IMMT: variants seen among roughly 807,000 people sequenced by gnomAD.
IMMT encodes MICOS complex subunit MIC60.
Under a neutral mutation model 92.7 loss-of-function variants are expected in IMMT, and 40 were observed. The ratio of observed to expected loss-of-function variants is 0.43; its 90% CI spans 0.34 to 0.56. IMMT has a LOEUF of 0.56. Ranked by LOEUF, IMMT falls within the 20% of genes least tolerant of loss-of-function variation. The probability of loss-of-function intolerance (pLI) is 0.03; values close to 1 mark genes in which losing one functional copy is unlikely to be tolerated. For missense variants in IMMT, 831 were observed against 912.1 expected, an observed-to-expected ratio of 0.91 and a Z score of 1.14; for synonymous variants, 322 against 336.1, an observed-to-expected ratio of 0.96 and a Z score of 0.46.
chr2:86,191,612 T>TA (rs1673121727), intron 1 of IMMT, among the ~76,000 whole-genome samples: 1 of 151,710 alleles, frequency 6.6e-6, no homozygotes, highest in African/African-American at 2.4e-5. Context: ...GTCCTTACAA[T>TA]AAATCTTTCA....
At chr2:86,150,990 C>T (rs556650181) in intron 12 of IMMT, among the ~76,000 whole-genome samples, 18 of 151,798 alleles carry the variant, frequency 1.2e-4, no homozygotes, top group Non-Finnish European at 2.5e-4. Flanking sequence ...GATCTTAGCT[C>T]ACTGCAACCT....
At chr2:86,154,451 G>A (rs529421101) in intron 10 of IMMT, among the ~76,000 whole-genome samples, 6 of 152,160 alleles carry the variant, frequency 3.9e-5, no homozygotes, top group Admixed American at 1.3e-4. Flanking sequence ...GATTACAGGC[G>A]TGAGCCACCA....
intron 1 of IMMT, among the ~76,000 whole-genome samples, chr2:86,190,307 C>T (rs763168845): frequency 6.6e-6 from 1 of 152,216 alleles, no homozygotes; most frequent in Non-Finnish European, 1.5e-5. Context: ...TAGCTCATGT[C>T]CACACACAAG....
At chr2:86,154,319 C>T (rs572117728) in intron 10 of IMMT, among the ~76,000 whole-genome samples, 3 of 151,836 alleles carry the variant, frequency 2.0e-5, no homozygotes, top group African/African-American at 7.2e-5. Context: ...ACTACATGCG[C>T]CTCCCACCAC....
At chr2:86,168,349 G>A (rs1169979746) in intron 6 of IMMT, among the ~76,000 whole-genome samples, 4 of 152,136 alleles carry the variant, frequency 2.6e-5, no homozygotes, top group Admixed American at 6.5e-5. Context: ...ATGGGCCGGC[G>A]CAGTGGCTCA....
chr2:86,150,725 A>G (rs1675404815), intron 12 of IMMT, among the ~76,000 whole-genome samples: 1 of 152,166 alleles, frequency 6.6e-6, no homozygotes, highest in African/African-American at 2.4e-5. Context: ...GCTCCACTGG[A>G]AAGATGAGCT....
intron 8 of IMMT, among the ~76,000 whole-genome samples, chr2:86,161,202 C>A (rs1676246671): frequency 1.3e-5 from 2 of 152,086 alleles, no homozygotes; most frequent in African/African-American, 4.8e-5. Context: ...GTCGCCCAGG[C>A]TCAGGCTGGA....
intron 2 of IMMT, 43 bp downstream of exon 2, chr2:86,181,256 G>T: frequency 7.0e-7 from 1 of 1,420,910 alleles, no homozygotes; most frequent in Non-Finnish European, 1.0e-6. Context: ...TCCCTAAGCA[G>T]CACACAGTGA....
chr2:86,194,843 G>A (rs897497499), intron 1 of IMMT: 1 of 169,164 alleles, frequency 5.9e-6, no homozygotes, highest in African/African-American at 2.4e-5. Flanking sequence ...GTTCTCAGCT[G>A]CGAAAAGAAA....
chr2:86,194,121 A>T (rs564892357), intron 1 of IMMT, among the ~76,000 whole-genome samples: 1 of 152,358 alleles, frequency 6.6e-6, no homozygotes, highest in East Asian at 1.9e-4. Context: ...AGGCAGCAAG[A>T]AAAGAAGTAC....
intron 13 of IMMT, among the ~76,000 whole-genome samples, chr2:86,146,668 A>G (rs1675041301): frequency 6.6e-6 from 1 of 152,004 alleles, no homozygotes; most frequent in South Asian, 2.1e-4. Flanking sequence ...CGGCCGATGT[A>G]TATAATTCTT....
Position 86,195,242 on chromosome 2 carries a change from TGTCCTG to T in IMMT, c.45+90_45+95del, listed in dbSNP as rs1457588241. On this transcript the variant is annotated intron_variant, in intron 1 of 14. Transcript: ENST00000410111. ...CGAGGGTGGCCCTGAGGCTCGCCTT[TGTCCTG>T]GAGGCTAGGCAGCGACCAAGGCTCC... 3.0e-6 allele frequency: 4 copies of T among 1,318,750 alleles called. No individual in the cohort carries two copies. The African/African-American group carries it at 6.2e-5, about 20-fold the overall frequency. 81.7% of individuals were successfully genotyped at this position (1,318,750 alleles called of 1,614,324 possible). A position where few individuals can be genotyped will look rare whatever the true frequency, so the allele number is the denominator to read the frequency against.
chr2:86,170,212 C>T (rs1372428785), intron 6 of IMMT, among the ~76,000 whole-genome samples: 1 of 152,080 alleles, frequency 6.6e-6, no homozygotes, highest in Non-Finnish European at 1.5e-5. Flanking sequence ...CCCAGGAGTA[C>T]GAGACCAGTC....
At chr2:86,144,908 A>G (rs1315528430) in intron 14 of IMMT, 27 bp from the exon 15 acceptor site, 1 of 1,557,900 alleles carries the variant, frequency 6.4e-7, no homozygotes, top group African/African-American at 1.4e-5. Flanking sequence ...GCAAAGCCAA[A>G]CATTTTTCTC....
At chr2:86,148,577 A>T (rs561397463) in intron 12 of IMMT, among the ~76,000 whole-genome samples, 1 of 152,196 alleles carries the variant, frequency 6.6e-6, no homozygotes, top group Non-Finnish European at 1.5e-5. Context: ...GCGCTGCTGC[A>T]CTCCAGCCTG....
chr2:86,145,938 G>T, intron 14 of IMMT, 130 bp downstream of exon 14: 1 of 640,986 alleles, frequency 1.6e-6, no homozygotes, highest in Non-Finnish European at 2.3e-6. Flanking sequence ...GGCAAAAACT[G>T]CAATTAAGTA....
chr2:86,190,593 TA>T (rs142108182), intron 1 of IMMT, among the ~76,000 whole-genome samples: 1,945 of 152,254 alleles, frequency 0.013, 43 homozygotes, highest in African/African-American at 0.044. Flanking sequence ...GTCTGAGGAA[TA>T]AAAGAAGAAA....
chr2:86,154,872 CT>C (rs1056329104), intron 10 of IMMT, among the ~76,000 whole-genome samples: 42 of 146,548 alleles, frequency 2.9e-4, no homozygotes, highest in Non-Finnish European at 3.0e-4. Context: ...TATGAACGTC[CT>C]TTTTTTTTTT....
intron 12 of IMMT, among the ~76,000 whole-genome samples, chr2:86,148,462 A>G (rs1675203442): frequency 6.6e-6 from 1 of 151,788 alleles, no homozygotes; most frequent in Non-Finnish European, 1.5e-5. Context: ...CAAAAAAAAA[A>G]TTAGCCGGGT....
Sources: gnomAD v4.1 joint callset for allele counts (sites outside exome capture counted in the v4.1 genomes callset) on GRCh38, gnomAD v4.1.1 for gene constraint, MANE v1.5 for transcripts, NCBI Gene and HGNC (gene_info 2026-07-23, HGNC 2026-07-21) for gene names.